Variants in SLC44A5 observed in about 807,000 individuals in gnomAD.
The protein encoded by SLC44A5 is choline transporter-like protein 5.
A neutral mutation model predicts 101.8 loss-of-function variants in SLC44A5; 57 were observed. The ratio of observed to expected loss-of-function variants is 0.56; its 90% CI spans 0.45 to 0.70. The LOEUF (loss-of-function observed/expected upper bound fraction) is 0.70, where lower values mean the gene tolerates loss of function less well. Ranked by LOEUF, SLC44A5 falls within the 30% of genes least tolerant of loss-of-function variation. The pLI is 0.00. For missense variants in SLC44A5, 737 were observed against 853.1 expected, an observed-to-expected ratio of 0.86 and a Z score of 1.70; for synonymous variants, 281 against 290.9, an observed-to-expected ratio of 0.97 and a Z score of 0.35.
chr1:75,490,427 T>C (rs1405319913), intron 2 of SLC44A5, among the ~76,000 whole-genome samples: 1 of 152,150 alleles, frequency 6.6e-6, no homozygotes, highest in Non-Finnish European at 1.5e-5. Context: ...AGGCTTTCCA[T>C]AAAAAACACA....
At chr1:75,534,398 C>G (rs1004263161) in intron 2 of SLC44A5, among the ~76,000 whole-genome samples, 1 of 152,192 alleles carries the variant, frequency 6.6e-6, no homozygotes, top group Non-Finnish European at 1.5e-5. Flanking sequence ...GCCCCTCCTA[C>G]TCCATTTCTG....
intron 5 of SLC44A5, among the ~76,000 whole-genome samples, chr1:75,282,326 T>C (rs958949495): frequency 6.6e-6 from 1 of 152,248 alleles, no homozygotes; most frequent in African/African-American, 2.4e-5. Flanking sequence ...CCAATGCCTG[T>C]ATCCCTATTA....
chr1:75,497,389 A>G (rs1668732176), intron 2 of SLC44A5, among the ~76,000 whole-genome samples: 1 of 152,162 alleles, frequency 6.6e-6, no homozygotes. Context: ...AGACACACAA[A>G]GAAAGTTACT....
At chr1:75,632,654 G>C in the SLC44A5 span, among the ~76,000 whole-genome samples, 1 of 152,062 alleles carries the variant, frequency 6.6e-6, no homozygotes, top group African/African-American at 2.4e-5. Flanking sequence ...GTTTAAATGT[G>C]TTCTATATAA....
intron 2 of SLC44A5, among the ~76,000 whole-genome samples, chr1:75,532,729 A>G (rs1025444686): frequency 6.6e-6 from 1 of 152,144 alleles, no homozygotes; most frequent in African/African-American, 2.4e-5. Flanking sequence ...AGTTTGGCAC[A>G]TTATAAGCAC....
intron 2 of SLC44A5, among the ~76,000 whole-genome samples, chr1:75,411,108 A>G (rs919270893): frequency 6.6e-6 from 1 of 152,160 alleles, no homozygotes; most frequent in African/African-American, 2.4e-5. Context: ...TTATTTTTCA[A>G]TGCTAGAAAC....
chr1:75,647,606 A>C, the SLC44A5 span, among the ~76,000 whole-genome samples: 1 of 152,212 alleles, frequency 6.6e-6, no homozygotes. Flanking sequence ...ATGCAAAGCC[A>C]CAGAGGCAGA....
At chr1:75,653,427 A>G in the SLC44A5 span, among the ~76,000 whole-genome samples, 5 of 152,178 alleles carry the variant, frequency 3.3e-5, no homozygotes, top group African/African-American at 1.2e-4. Context: ...GGTTGTAGTG[A>G]GCCAAGATTG....
chr1:75,479,091 A>G (rs1195678131), intron 2 of SLC44A5, among the ~76,000 whole-genome samples: 5 of 152,240 alleles, frequency 3.3e-5, no homozygotes, highest in African/African-American at 1.2e-4. Context: ...CTCAGGATTA[A>G]GAATCTCACT....
chr1:75,691,952 G>T, the SLC44A5 span, among the ~76,000 whole-genome samples: 1 of 152,012 alleles, frequency 6.6e-6, no homozygotes, highest in Non-Finnish European at 1.5e-5. Context: ...ATATAAATTT[G>T]GAGTGGGGGG....
chr1:75,555,862 A>C (rs180872902), intron 1 of SLC44A5, among the ~76,000 whole-genome samples: 71 of 152,302 alleles, frequency 4.7e-4, no homozygotes, highest in East Asian at 2.5e-3. Flanking sequence ...ACACAGTAGA[A>C]TGTTATCCAG....
intron 18 of SLC44A5, 95 bp from the exon 19 acceptor site, chr1:75,215,952 A>AT: frequency 2.8e-6 from 2 of 718,300 alleles, no homozygotes; most frequent in Non-Finnish European, 4.6e-6. Context: ...GAGATTTAAA[A>AT]TTTTTTATTG....
chr1:75,345,169 C>T (rs562942376), intron 3 of SLC44A5, among the ~76,000 whole-genome samples: 1 of 152,090 alleles, frequency 6.6e-6, no homozygotes, highest in South Asian at 2.1e-4. Flanking sequence ...CCTAGAAGTG[C>T]ACCGATGTGA....
intron 4 of SLC44A5, among the ~76,000 whole-genome samples, chr1:75,317,030 G>C (rs938433653): frequency 2.0e-5 from 3 of 152,212 alleles, no homozygotes; most frequent in African/African-American, 7.2e-5. Context: ...CTTTTCAAAA[G>C]GAAAATCCCA....
intron 1 of SLC44A5, among the ~76,000 whole-genome samples, chr1:75,589,776 G>C (rs1674241639): frequency 1.3e-5 from 2 of 152,184 alleles, no homozygotes; most frequent in South Asian, 4.1e-4. Flanking sequence ...ACAGCAATTG[G>C]GAGGCATTGA....
At chr1:75,237,757 A>G (rs1321527251) in intron 10 of SLC44A5, among the ~76,000 whole-genome samples, 1 of 152,088 alleles carries the variant, frequency 6.6e-6, no homozygotes, top group Non-Finnish European at 1.5e-5. Flanking sequence ...CTTCTTTTAC[A>G]CAGATTTATA....
rs933454776 is a variant in SLC44A5 at position 75,227,646 on chromosome 1, C to G, written c.985+80G>C. 2.5e-6 allele frequency: 3 copies of G among 1,216,018 alleles called. No homozygotes were observed. The African/African-American group carries it at 4.7e-5, about 19-fold the overall frequency. The allele number at this position is 1,216,018 out of a possible 1,614,324, so 75.3% of individuals were successfully genotyped here. A position where few individuals can be genotyped will look rare whatever the true frequency, so the allele number is the denominator to read the frequency against. Reference sequence around the variant, plus strand: ...TGATAAATACATTTAACAGGTTATACCAACCCAAGTTTTCCTTTAGGCAAA... The same window carrying G: ...TGATAAATACATTTAACAGGTTATAGCAACCCAAGTTTTCCTTTAGGCAAA... On this transcript the variant is annotated intron_variant, in intron 13 of 23. Transcript: ENST00000370859.
At chr1:75,431,256 T>A (rs1158777493) in intron 2 of SLC44A5, among the ~76,000 whole-genome samples, 2 of 152,116 alleles carry the variant, frequency 1.3e-5, no homozygotes, top group Non-Finnish European at 2.9e-5. Flanking sequence ...AAGCAAATAC[T>A]TAGGGAGTCA....
At chr1:75,578,197 G>C (rs1402554929) in intron 1 of SLC44A5, among the ~76,000 whole-genome samples, 1 of 151,908 alleles carries the variant, frequency 6.6e-6, no homozygotes, top group Non-Finnish European at 1.5e-5. Context: ...AAAAATTAGT[G>C]ATATATAATT....
Sources: gnomAD v4.1 joint callset for allele counts (sites outside exome capture counted in the v4.1 genomes callset) on GRCh38, gnomAD v4.1.1 for gene constraint, MANE v1.5 for transcripts, NCBI Gene and HGNC (gene_info 2026-07-23, HGNC 2026-07-21) for gene names.